Variants in GABRR3 observed in about 807,000 individuals in gnomAD.
GABRR3 encodes gamma-aminobutyric acid type A receptor subunit rho3.
Under a neutral mutation model 43.2 loss-of-function variants are expected in GABRR3, and 29 were observed. That is an observed-to-expected ratio of 0.67 (90% CI 0.50 to 0.92). GABRR3 has a LOEUF of 0.92. Among genes scored for constraint, GABRR3 ranks in the 40% least tolerant of loss-of-function variants. GABRR3 has a pLI of 0.00. For synonymous variants in GABRR3, 206 were observed against 195.9 expected (o/e 1.05, Z -0.43); for missense variants, 576 against 572.3 (o/e 1.01, Z -0.07).
intron 9 of GABRR3, among the ~76,000 whole-genome samples, chr3:97,989,032 AGTG>A (rs376506434): frequency 4.1e-5 from 5 of 121,710 alleles, no homozygotes; most frequent in African/African-American, 1.6e-4. Flanking sequence ...GGTATATGGT[AGTG>A]GTGGTGGGTG....
In GABRR3 at chr3:97,989,106, G is replaced by A. The variant is rs561254927; in HGVS notation, c.1105-2124C>T. On this transcript the variant is annotated intron_variant, in intron 9 of 9. Transcript: ENST00000621172. Reference sequence around the variant, plus strand: ...ATGTTATTGGTGGATGGTGGGTGACGGTGGTAGATGGTGGTGTTGGATAAT... The same window carrying A: ...ATGTTATTGGTGGATGGTGGGTGACAGTGGTAGATGGTGGTGTTGGATAAT... 1.3e-3 allele frequency among the ~76,000 whole-genome samples: 200 copies of A among 151,190 alleles called. 1 individual carries two copies. The highest frequency in any genetic ancestry group is 4.4e-4 in the Non-Finnish European group (30 of 67,708).
In GABRR3 at chr3:98,029,054, C is replaced by T. The variant is rs540219110; in HGVS notation, c.126-3375G>A. On this transcript the variant is annotated intron_variant, in intron 2 of 9. Transcript: ENST00000621172. ...AAAAAAAAAATGATTTCAGTTTAGC[C>T]GCTACTGAGAAGAAGCTTTTGGATT... 5.3e-5 allele frequency among the ~76,000 whole-genome samples: 8 copies of T among 152,208 alleles called. No individual in the cohort carries two copies. In the South Asian group the frequency reaches 8.3e-4, roughly 16 times the overall value.
In GABRR3 at chr3:98,032,262, TA is replaced by T. The variant is rs556806551; in HGVS notation, c.125+2600del. Among the ~76,000 whole-genome samples the T allele has an allele frequency of 5.9e-5, 9 of 152,352 alleles. No individual in the cohort carries two copies. In the South Asian group the frequency reaches 1.9e-3, roughly 32 times the overall value. ...TGCTACCTTTATTTTAGAAAGTATT[TA>T]ATTTAATTGCAGGCTTATATAATTT... On this transcript the variant is annotated intron_variant, in intron 2 of 9. Transcript: ENST00000621172.
chr3:98,017,629 G>T, intron 4 of GABRR3, 26 bp downstream of exon 4: 1 of 1,567,706 alleles, frequency 6.4e-7, no homozygotes, highest in Non-Finnish European at 8.7e-7. Context: ...TTCAGAAAAA[G>T]AGCAATATCC....
intron 3 of GABRR3, among the ~76,000 whole-genome samples, chr3:98,020,423 A>G (rs1464554936): frequency 7.4e-5 from 11 of 147,680 alleles, no homozygotes; most frequent in African/African-American, 1.5e-4. Flanking sequence ...ACTACTCCCA[A>G]TCCTACGCAC....
exon 10 of GABRR3, chr3:97,986,853 T>C (rs1233185807): frequency 1.9e-6 from 3 of 1,612,594 alleles, no homozygotes; most frequent in Non-Finnish European, 2.5e-6. Flanking sequence ...GGGCTGCATA[T>C]CGATTTTCTT....
chr3:98,021,085 G>A (rs368472615), intron 3 of GABRR3, among the ~76,000 whole-genome samples: 4 of 151,406 alleles, frequency 2.6e-5, no homozygotes, highest in African/African-American at 4.9e-5. Context: ...GGCTGGTCTC[G>A]AACTCCTGAC....
chr3:98,001,748 G>A, exon 8 of GABRR3: 5 of 1,613,144 alleles, frequency 3.1e-6, no homozygotes, highest in Non-Finnish European at 4.2e-6. Context: ...CAAAGTTGAT[G>A]AAAAGCCTAT....
exon 9 of GABRR3, chr3:97,992,924 T>G: frequency 1.9e-6 from 3 of 1,613,700 alleles, no homozygotes; most frequent in Non-Finnish European, 2.5e-6. Flanking sequence ...ACTCAATGAC[T>G]GACAGGAACA....
At chr3:98,019,857 C>A (rs537997284) in intron 3 of GABRR3, among the ~76,000 whole-genome samples, 1 of 152,148 alleles carries the variant, frequency 6.6e-6, no homozygotes, top group Non-Finnish European at 1.5e-5. Context: ...AATCACTGCA[C>A]CTGGCCAAAT....
At chr3:97,992,338 A>G (rs914702989) in intron 9 of GABRR3, among the ~76,000 whole-genome samples, 1 of 152,160 alleles carries the variant, frequency 6.6e-6, no homozygotes, top group African/African-American at 2.4e-5. Context: ...AAGGAGACCC[A>G]GAAGCAAAGC....
chr3:97,990,276 A>G (rs1706446411), intron 9 of GABRR3, among the ~76,000 whole-genome samples: 1 of 152,214 alleles, frequency 6.6e-6, no homozygotes, highest in Non-Finnish European at 1.5e-5. Flanking sequence ...GAAACACAGA[A>G]GGGGTTTAGG....
At chr3:98,012,546 G>C in exon 5 of GABRR3, 1 of 1,613,468 alleles carries the variant, frequency 6.2e-7, no homozygotes, top group South Asian at 1.1e-5. Flanking sequence ...TAATGCCTGA[G>C]ATAAAAAGTC....
At chr3:98,000,594 T>G (rs2107231462) in intron 8 of GABRR3, 1 of 152,286 alleles carries the variant, frequency 6.6e-6, no homozygotes, top group Non-Finnish European at 1.5e-5. Context: ...GTGAGCAAAT[T>G]GTTAATATTA....
At chr3:98,018,247 G>A (rs1706898284) in intron 3 of GABRR3, among the ~76,000 whole-genome samples, 1 of 152,104 alleles carries the variant, frequency 6.6e-6, no homozygotes, top group African/African-American at 2.4e-5. Flanking sequence ...TGGAGTAGAG[G>A]AACACAGAGA....
intron 2 of GABRR3, among the ~76,000 whole-genome samples, chr3:98,033,338 G>A (rs1451978554): frequency 6.6e-6 from 1 of 152,158 alleles, no homozygotes; most frequent in Admixed American, 6.6e-5. Context: ...TCCTACGGGG[G>A]AAGTCTGCTT....
chr3:98,022,875 TA>T (rs971935364), intron 3 of GABRR3, among the ~76,000 whole-genome samples: 9 of 152,202 alleles, frequency 5.9e-5, no homozygotes, highest in Non-Finnish European at 8.8e-5. Context: ...CATTTTCATT[TA>T]AAAAAAATCT....
At chr3:98,023,220 A>G (rs2107247456) in intron 3 of GABRR3, among the ~76,000 whole-genome samples, 1 of 152,190 alleles carries the variant, frequency 6.6e-6, no homozygotes, top group South Asian at 2.1e-4. Context: ...AAGGATAGTC[A>G]TTTTTCTCTC....
At chr3:97,991,703 A>G (rs1706469130) in intron 9 of GABRR3, among the ~76,000 whole-genome samples, 2 of 152,228 alleles carry the variant, frequency 1.3e-5, no homozygotes, top group South Asian at 4.1e-4. Context: ...TAAAATAGAG[A>G]TAATAATCTC....
Sources: allele counts gnomAD v4.1 joint callset (sites outside exome capture counted in the v4.1 genomes callset), GRCh38; gene constraint gnomAD v4.1.1; transcripts MANE v1.5; gene names NCBI Gene and HGNC (gene_info 2026-07-23, HGNC 2026-07-21).